SNCAIP: variants seen among roughly 807,000 people sequenced by gnomAD.
The protein encoded by SNCAIP is synuclein alpha interacting protein.
Under a neutral mutation model 86.7 loss-of-function variants are expected in SNCAIP, and 43 were observed. The observed-to-expected ratio is 0.50, with a 90% CI of 0.39 to 0.64. The LOEUF is 0.64. Among genes scored for constraint, SNCAIP ranks in the 30% least tolerant of loss-of-function variants. The pLI is 0.00. For missense variants in SNCAIP, 981 were observed against 1,103.1 expected (o/e 0.89, Z 1.57); for synonymous variants, 417 against 427.2 (o/e 0.98, Z 0.29).
intron 1 of SNCAIP, among the ~76,000 whole-genome samples, chr5:122,333,963 G>T (rs537548521): frequency 2.0e-5 from 3 of 152,284 alleles, no homozygotes; most frequent in African/African-American, 7.2e-5. Context: ...TGGTAAAGAT[G>T]GGGGAGATGG....
intron 1 of SNCAIP, among the ~76,000 whole-genome samples, chr5:122,332,099 A>G (rs1405413712): frequency 6.6e-6 from 1 of 152,254 alleles, no homozygotes; most frequent in Non-Finnish European, 1.5e-5. Context: ...AAAACTTGCA[A>G]GATGCAAAGA....
At chr5:122,335,794 C>T (rs970887403) in intron 1 of SNCAIP, among the ~76,000 whole-genome samples, 4 of 152,152 alleles carry the variant, frequency 2.6e-5, no homozygotes, top group African/African-American at 4.8e-5. Flanking sequence ...AACTCCATGC[C>T]ATCCAGTTAT....
chr5:122,460,883 G>C (rs2153037730), intron 10 of SNCAIP, among the ~76,000 whole-genome samples: 1 of 152,188 alleles, frequency 6.6e-6, no homozygotes, highest in African/African-American at 2.4e-5. Context: ...CATCTTCACT[G>C]CTGCCTCCTG....
intron 1 of SNCAIP, among the ~76,000 whole-genome samples, chr5:122,332,831 T>A (rs915855479): frequency 6.6e-6 from 1 of 152,092 alleles, no homozygotes; most frequent in East Asian, 1.9e-4. Context: ...GAACAAGCAA[T>A]GGGAGAAGCA....
chr5:122,340,254 T>C (rs972776166), intron 1 of SNCAIP, among the ~76,000 whole-genome samples: 2 of 152,264 alleles, frequency 1.3e-5, no homozygotes, highest in African/African-American at 4.8e-5. Flanking sequence ...TTCTTTTACA[T>C]GTGATGGATG....
intron 3 of SNCAIP, among the ~76,000 whole-genome samples, chr5:122,420,934 C>T (rs534060020): frequency 2.6e-5 from 4 of 152,254 alleles, no homozygotes; most frequent in South Asian, 4.2e-4. Flanking sequence ...GGATTTTGTC[C>T]CCTGTGAAAT....
intron 1 of SNCAIP, among the ~76,000 whole-genome samples, chr5:122,318,314 G>A (rs1752224668): frequency 6.6e-6 from 1 of 152,148 alleles, no homozygotes; most frequent in Admixed American, 6.5e-5. Flanking sequence ...CATCTCAAGT[G>A]TTGCTTTTTC....
Position 122,422,936 on chromosome 5 carries a change from G to A in SNCAIP, c.199G>A (p.Ala67Thr), listed in dbSNP as rs746562557. The change falls in exon 4 of 11, where the codon GCT becomes ACT. Residue 67 changes from alanine (A) to threonine (T), a missense_variant. Coordinates refer to ENST00000261368, the MANE Select transcript of SNCAIP (RefSeq NM_005460.4). ...ITNTQKPTGI[A>T]DVYSKFRPVK... ...AAACACGCAAAAGCCCACAGGAATCGCTGATGTGTACAGTAAGTTCCGCCC... is the reference window on the plus strand; with the variant it reads ...AAACACGCAAAAGCCCACAGGAATCACTGATGTGTACAGTAAGTTCCGCCC... The A allele has an allele frequency of 7.4e-6, 12 of 1,613,934 alleles. No individual in the cohort carries two copies. Among genetic ancestry groups the A allele is most frequent in the East Asian group, 4.5e-5 (2 of 44,894 alleles).
At chr5:122,390,588 T>G (rs1265401020) in intron 1 of SNCAIP, among the ~76,000 whole-genome samples, 2 of 152,180 alleles carry the variant, frequency 1.3e-5, no homozygotes, top group African/African-American at 4.8e-5. Context: ...TTCTAAAATA[T>G]CCATTACTCT....
At position 122,451,005 on chromosome 5, in the gene SNCAIP, A is replaced by C. The variant is rs758877260; in HGVS notation, c.2158A>C (p.Met720Leu). 1 of 1,614,190 alleles carries C rather than the reference A, an allele frequency of 6.2e-7. No homozygotes were observed. The highest frequency in any genetic ancestry group is 1.3e-5 in the African/African-American group (1 of 75,052). ...SMDSAESLHLMIKKHTLASGG... is the reference protein window; with the variant it reads ...SMDSAESLHLLIKKHTLASGG... ...GGACAGCGCAGAAAGCCTGCACCTG[A>C]TGATTAAGAAACACACCTTGGCATC... Residue 720 changes from methionine (M) to leucine (L), a missense_variant, in exon 10 of 11, where the codon ATG becomes CTG. Transcript: ENST00000261368.
chr5:122,367,741 T>C (rs1205595775), intron 1 of SNCAIP, among the ~76,000 whole-genome samples: 1 of 152,104 alleles, frequency 6.6e-6, no homozygotes. Context: ...CCTGTATTAC[T>C]GTGTGTGTGA....
chr5:122,356,808 T>A (rs952102409), intron 1 of SNCAIP, among the ~76,000 whole-genome samples: 12 of 152,220 alleles, frequency 7.9e-5, no homozygotes, highest in African/African-American at 2.7e-4. Context: ...CCCGCTAGTA[T>A]TACTCTAAAC....
Position 122,396,395 on chromosome 5 carries a change from T to C in SNCAIP, c.57+5204T>C, listed in dbSNP as rs867152856. ...AGAAGGTAGAGAATAACTCTACAAATAGAGTGGTTTCTAAGAAGAATGAGC... is the reference window on the plus strand; with the variant it reads ...AGAAGGTAGAGAATAACTCTACAAACAGAGTGGTTTCTAAGAAGAATGAGC... On this transcript the variant is annotated intron_variant, in intron 2 of 10. Transcript: ENST00000261368. Among the ~76,000 whole-genome samples the C allele has an allele frequency of 2.0e-5, 3 of 152,140 alleles. No individual in the cohort carries two copies. The South Asian group carries it at 6.2e-4, about 31-fold the overall frequency.
intron 1 of SNCAIP, among the ~76,000 whole-genome samples, chr5:122,352,434 C>G (rs1212625429): frequency 6.6e-6 from 1 of 152,154 alleles, no homozygotes; most frequent in Non-Finnish European, 1.5e-5. Context: ...TTTTCTACTT[C>G]TTTTACTGAA....
intron 6 of SNCAIP, among the ~76,000 whole-genome samples, chr5:122,433,173 G>GT (rs1042052916): frequency 6.7e-6 from 1 of 150,178 alleles, no homozygotes; most frequent in African/African-American, 2.5e-5. Context: ...ATAAAAACAT[G>GT]TTTTTTATAT....
chr5:122,337,013 C>T (rs983956866), intron 1 of SNCAIP: 4 of 152,150 alleles, frequency 2.6e-5, no homozygotes, highest in African/African-American at 9.7e-5. Context: ...GTACTTCTGC[C>T]TCCATTTAGT....
intron 2 of SNCAIP, among the ~76,000 whole-genome samples, chr5:122,393,815 T>C (rs1199166649): frequency 6.6e-6 from 1 of 152,196 alleles, no homozygotes; most frequent in Non-Finnish European, 1.5e-5. Flanking sequence ...TTAATCATAA[T>C]TTAGTGTGAT....
At position 122,378,753 on chromosome 5, in the gene SNCAIP, A is replaced by G. The variant is rs1490978118; in HGVS notation, c.-46-12336A>G. ...GGAAGGGATCCAGTTTCAGCTTTCTACATATGGCTAGCCAGTTTTCCCAGC... is the reference window on the plus strand; with the variant it reads ...GGAAGGGATCCAGTTTCAGCTTTCTGCATATGGCTAGCCAGTTTTCCCAGC... On this transcript the variant is annotated intron_variant, in intron 1 of 10. Transcript: ENST00000261368. Among the ~76,000 whole-genome samples the G allele has an allele frequency of 4.4e-5, 6 of 137,866 alleles. 1 individual carries two copies. The highest frequency in any genetic ancestry group is 7.9e-5 in the Non-Finnish European group (5 of 63,204). 90.4% of individuals were successfully genotyped at this position (137,866 alleles called of 152,430 possible). A position where few individuals can be genotyped will look rare whatever the true frequency, so the allele number is the denominator to read the frequency against.
At chr5:122,337,634 G>A (rs1467320232) in intron 1 of SNCAIP, among the ~76,000 whole-genome samples, 4 of 152,176 alleles carry the variant, frequency 2.6e-5, no homozygotes, top group African/African-American at 9.7e-5. Context: ...TGCCTCCTGG[G>A]TTCAAGTGAT....
Sources: allele counts gnomAD v4.1 joint callset (sites outside exome capture counted in the v4.1 genomes callset), GRCh38; gene constraint gnomAD v4.1.1; transcripts MANE v1.5; gene names NCBI Gene and HGNC (gene_info 2026-07-23, HGNC 2026-07-21).